VAMP4: variants seen among roughly 807,000 people sequenced by gnomAD.
The protein encoded by VAMP4 is vesicle associated membrane protein 4.
VAMP4 carries 19 observed loss-of-function variants against 23.5 expected under a neutral mutation model. The observed-to-expected ratio is 0.81, with a 90% CI of 0.56 to 1.19. The LOEUF is 1.19. VAMP4 is among the 50% of genes most tolerant of loss of function. VAMP4 has a pLI of 0.00. For missense variants in VAMP4, 145 were observed against 168.6 expected (o/e 0.86, Z 0.78); for synonymous variants, 31 against 51.0 (o/e 0.61, Z 1.67).
chr1:171,708,997 G>GA (rs758929548), intron 6 of VAMP4, among the ~76,000 whole-genome samples: 87 of 134,172 alleles, frequency 6.5e-4, no homozygotes, highest in Middle Eastern at 3.9e-3. Flanking sequence ...AGAATCAGGA[G>GA]AAAAAAAAAA....
chr1:171,716,933 T>C (rs1256671250), intron 4 of VAMP4, among the ~76,000 whole-genome samples: 1 of 152,218 alleles, frequency 6.6e-6, no homozygotes, highest in Non-Finnish European at 1.5e-5. Context: ...AAAAACGCTA[T>C]ACTTAACAAT....
chr1:171,718,003 C>G (rs1655073526), intron 4 of VAMP4, among the ~76,000 whole-genome samples: 1 of 152,114 alleles, frequency 6.6e-6, no homozygotes, highest in Non-Finnish European at 1.5e-5. Context: ...TGATTGCCAT[C>G]TTGTTAAACC....
chr1:171,712,826 G>A lies in VAMP4; in HGVS notation c.165-2012C>T, dbSNP rs563039452. Among the ~76,000 whole-genome samples the A allele has an allele frequency of 8.5e-5, 13 of 152,276 alleles. No homozygotes were observed. In the South Asian group the frequency reaches 1.7e-3, roughly 19 times the overall value. On this transcript the variant is annotated intron_variant, in intron 4 of 7. Coordinates refer to ENST00000236192, the MANE Select transcript of VAMP4 (RefSeq NM_003762.5). The stretch of plus-strand genomic sequence containing the variant: ...ACTATGTACTGTTTTAGGTACTGAG[G>A]AAATAACATTGAACAAAACAGATGA...
At chr1:171,710,866 A>G (rs1323567500) in intron 4 of VAMP4, 52 bp from the exon 5 acceptor site, 2 of 1,347,802 alleles carry the variant, frequency 1.5e-6, no homozygotes, top group African/African-American at 2.9e-5. Context: ...GAATGCTTAC[A>G]ATTTTTAAAA....
intron 7 of VAMP4, 122 bp downstream of exon 7, chr1:171,706,245 G>A: frequency 1.2e-6 from 1 of 848,634 alleles, no homozygotes; most frequent in Non-Finnish European, 1.8e-6. Context: ...TCCTGAGACA[G>A]GTCAGAAGTC....
intron 4 of VAMP4, among the ~76,000 whole-genome samples, chr1:171,717,003 C>A (rs888356262): frequency 6.6e-6 from 1 of 152,168 alleles, no homozygotes; most frequent in African/African-American, 2.4e-5. Flanking sequence ...TAGTGTAATA[C>A]ATAAATATAC....
In VAMP4 at chr1:171,701,518, C is replaced by A. The variant is rs1278345401; in HGVS notation, c.*2988G>T. 1.3e-5 allele frequency: 2 copies of A among 152,116 alleles called. No homozygotes were observed. Among genetic ancestry groups the A allele is most frequent in the Non-Finnish European group, 2.9e-5 (2 of 68,006 alleles). The allele number at this position is 152,116 out of a possible 1,614,324, so 9.4% of individuals were successfully genotyped here. On this transcript the variant is annotated 3_prime_UTR_variant, in exon 8 of 8. Transcript: ENST00000236192. The stretch of plus-strand genomic sequence containing the variant: ...CCTTCTCAGTCTGTACACATATTAT[C>A]ATTTACAGGATAGTCACATACTATA...
intron 4 of VAMP4, among the ~76,000 whole-genome samples, chr1:171,717,145 C>G (rs1166398623): frequency 6.6e-6 from 1 of 152,142 alleles, no homozygotes; most frequent in African/African-American, 2.4e-5. Flanking sequence ...GGCAACATCC[C>G]TTACTAGGTT....
rs1654387337 is a variant in VAMP4, at chr1:171,700,367, GA to G, written c.*4138del. The G allele has an allele frequency of 6.6e-6, 1 of 152,100 alleles. No individual in the cohort carries two copies. The highest frequency in any genetic ancestry group is 6.6e-5 in the Admixed American group (1 of 15,266). The allele number at this position is 152,100 out of a possible 1,614,324, so 9.4% of individuals were successfully genotyped here. On this transcript the variant is annotated 3_prime_UTR_variant, in exon 8 of 8. Transcript: ENST00000236192. The stretch of plus-strand genomic sequence containing the variant: ...AAACATCAAAGGCACTTACCAAAGT[GA>G]TTAAATAAGGGAGTGTGGAATTTAA...
intron 2 of VAMP4, among the ~76,000 whole-genome samples, chr1:171,729,170 A>C (rs1172572279): frequency 1.3e-5 from 2 of 152,246 alleles, no homozygotes; most frequent in East Asian, 3.8e-4. Flanking sequence ...GTGGGTATAA[A>C]GTCCAAAAGG....
intron 5 of VAMP4, 22 bp downstream of exon 5, chr1:171,710,692 A>G (rs763847132): frequency 1.3e-6 from 2 of 1,546,044 alleles, no homozygotes; most frequent in African/African-American, 2.7e-5. Context: ...AGTAATATCA[A>G]GAAATACATG....
At chr1:171,716,431 T>C (rs6673782) in intron 4 of VAMP4, among the ~76,000 whole-genome samples, 53,892 of 152,028 alleles carry the variant, frequency 0.35, 10,062 homozygotes, top group African/African-American at 0.48. Flanking sequence ...ATAATTTATG[T>C]TTGAACAAAC....
chr1:171,732,481 G>A (rs1316429042), intron 2 of VAMP4, among the ~76,000 whole-genome samples: 1 of 152,126 alleles, frequency 6.6e-6, no homozygotes, highest in Non-Finnish European at 1.5e-5. Context: ...AGGTTAGAGT[G>A]AGCTATGATC....
intron 6 of VAMP4, among the ~76,000 whole-genome samples, chr1:171,707,446 C>A (rs143508183): frequency 6.6e-6 from 1 of 152,140 alleles, no homozygotes; most frequent in Admixed American, 6.6e-5. Flanking sequence ...TCCAACTGCA[C>A]GACATCCCCC....
intron 3 of VAMP4, among the ~76,000 whole-genome samples, chr1:171,723,905 T>C (rs896462422): frequency 4.6e-5 from 7 of 152,208 alleles, no homozygotes; most frequent in Non-Finnish European, 1.0e-4. Context: ...CCAATAAATG[T>C]CCATGAAATC....
intron 4 of VAMP4, among the ~76,000 whole-genome samples, chr1:171,715,700 C>T (rs1655006356): frequency 6.6e-6 from 1 of 152,138 alleles, no homozygotes; most frequent in Non-Finnish European, 1.5e-5. Context: ...CTGCAATACG[C>T]ACCCCTTATT....
At position 171,703,871 on chromosome 1, in the gene VAMP4, A is replaced by G. The variant is rs934496809; in HGVS notation, c.*635T>C. On this transcript the variant is annotated 3_prime_UTR_variant, in exon 8 of 8. Coordinates refer to ENST00000236192, the MANE Select transcript of VAMP4 (RefSeq NM_003762.5). ...ACCATGTTTTTTCACACTGTTTAAA[A>G]ATTTCCATTTCCATAATCCAATGCC... The G allele has an allele frequency of 6.6e-6, 1 of 152,352 alleles. No homozygotes were observed. Among genetic ancestry groups the G allele is most frequent in the Non-Finnish European group, 1.5e-5 (1 of 67,852 alleles). The allele number at this position is 152,352 out of a possible 1,614,324, so 9.4% of individuals were successfully genotyped here.
intron 4 of VAMP4, among the ~76,000 whole-genome samples, chr1:171,718,397 T>G: frequency 6.6e-6 from 1 of 152,166 alleles, no homozygotes; most frequent in East Asian, 1.9e-4. Flanking sequence ...CATTCCACAG[T>G]TAGTCTTTAC....
intron 5 of VAMP4, 117 bp from the exon 6 acceptor site, chr1:171,709,861 G>A: frequency 1.3e-6 from 1 of 755,446 alleles, no homozygotes; most frequent in Admixed American, 2.2e-5. Flanking sequence ...TCCCTTTTAA[G>A]CATGAAAACA....
Sources: gnomAD v4.1 joint callset for allele counts (sites outside exome capture counted in the v4.1 genomes callset) on GRCh38, gnomAD v4.1.1 for gene constraint, MANE v1.5 for transcripts, NCBI Gene and HGNC (gene_info 2026-07-23, HGNC 2026-07-21) for gene names.